Variants in CAMTA1 observed in about 807,000 individuals in gnomAD.
CAMTA1 encodes the protein calmodulin-binding transcription activator 1.
In CAMTA1, 27 loss-of-function variants were observed where a neutral mutation model predicts 170.9. That is an observed-to-expected ratio of 0.16 (90% CI 0.12 to 0.22). The LOEUF (loss-of-function observed/expected upper bound fraction) is 0.22, where lower values mean the gene tolerates loss of function less well. Among genes scored for constraint, CAMTA1 ranks in the 10% least tolerant of loss-of-function variants. The pLI, the probability that CAMTA1 is intolerant of heterozygous loss-of-function variation, is 1.00. For missense variants in CAMTA1, 1,619 were observed against 2,217.2 expected (o/e 0.73, Z 5.42); for synonymous variants, 833 against 891.5 (o/e 0.93, Z 1.17).
chr1:6,917,193 G>A (rs975067325), intron 3 of CAMTA1, among the ~76,000 whole-genome samples: 1 of 151,978 alleles, frequency 6.6e-6, no homozygotes, highest in Non-Finnish European at 1.5e-5. Flanking sequence ...TGTGGGGAAT[G>A]AGCCTGTTCA....
At chr1:7,407,959 A>G (rs2090420146) in intron 5 of CAMTA1, among the ~76,000 whole-genome samples, 1 of 152,156 alleles carries the variant, frequency 6.6e-6, no homozygotes, top group Non-Finnish European at 1.5e-5. Context: ...TTTGCTTCTT[A>G]GAGGAGCCAG....
At position 7,680,861 on chromosome 1, in the gene CAMTA1, C is replaced by CGCGCCAGCAGCAGCAG. The variant is rs1553247057; in HGVS notation, c.2914+3128_2914+3129insGCGCCAGCAGCAGCAG. Among the ~76,000 whole-genome samples the CGCGCCAGCAGCAGCAG allele has an allele frequency of 3.7e-4, 50 of 136,496 alleles. No homozygotes were observed. The highest frequency in any genetic ancestry group is 3.8e-3 in the Middle Eastern group (1 of 262). 89.5% of individuals were successfully genotyped at this position (136,496 alleles called of 152,430 possible). A position where few individuals can be genotyped will look rare whatever the true frequency, so the allele number is the denominator to read the frequency against. On this transcript the variant is annotated intron_variant, in intron 11 of 22. Coordinates refer to ENST00000303635, the MANE Select transcript of CAMTA1 (RefSeq NM_015215.4). This position sits in a 1 kb window ranked among gnomAD's most constrained non-coding sequence, Gnocchi z 4.4. ...GAGAACACGCGCGCGCGCGCGCGCG[C>CGCGCCAGCAGCAGCAG]CAGCAGCAGCAGCAGCAGCAGCTGC...
Position 7,640,477 on chromosome 1 carries a change from C to T in CAMTA1, c.588C>T (p.Leu196=). 6.2e-7 allele frequency: 1 copy of T among 1,614,242 alleles called. No individual in the cohort carries two copies. Among genetic ancestry groups the T allele is most frequent in the Non-Finnish European group, 8.5e-7 (1 of 1,180,042 alleles). Residue 196 remains leucine (L), a synonymous_variant, in exon 7 of 23, where the codon CTC becomes CTT. Coordinates refer to ENST00000303635, the MANE Select transcript of CAMTA1 (RefSeq NM_015215.4). ...EDCGKPCGPI[L]CSINTDKKEW... ...GCGGCAAGCCTTGCGGCCCCATCCT[C>T]TGCTCCATCAACACCGACAAGAAGG...
chr1:7,601,341 C>T (rs377653666), intron 6 of CAMTA1, among the ~76,000 whole-genome samples: 102 of 151,320 alleles, frequency 6.7e-4, no homozygotes, highest in African/African-American at 2.0e-3. Context: ...ACATCCCAGA[C>T]GGGGCGGCAG....
At chr1:6,984,042 A>ATGGATGATGGGTGGATGGATGGG (rs1694896252) in intron 3 of CAMTA1, among the ~76,000 whole-genome samples, 1 of 356 alleles carries the variant, frequency 2.8e-3, no homozygotes, top group African/African-American at 0.012. Context: ...GGATTAATGA[A>ATGGATGATGGGTGGATGGATGGG]TGGATAGATG....
chr1:6,992,832 G>T (rs993336504), intron 3 of CAMTA1, among the ~76,000 whole-genome samples: 1 of 152,214 alleles, frequency 6.6e-6, no homozygotes, highest in Non-Finnish European at 1.5e-5. Flanking sequence ...CAACACTGGG[G>T]ATTACAATTT....
intron 4 of CAMTA1, among the ~76,000 whole-genome samples, chr1:7,202,362 A>T (rs1205951638): frequency 6.6e-6 from 1 of 152,156 alleles, no homozygotes; most frequent in Non-Finnish European, 1.5e-5. Context: ...TGTTTTGGCT[A>T]TTCTGTGTCT....
rs1320485126 is a variant in CAMTA1 at position 7,682,431 on chromosome 1, C to A, written c.2914+4698C>A. ...GAGAAGGAAAGGCCTCTTGGTTTGGCCTTCTGATCCGTCCACGCTCTCTGT... is the reference window on the plus strand; with the variant it reads ...GAGAAGGAAAGGCCTCTTGGTTTGGACTTCTGATCCGTCCACGCTCTCTGT... On this transcript the variant is annotated intron_variant, in intron 11 of 22. Transcript: ENST00000303635. The surrounding 1 kb of genome is among the most constrained non-coding windows in gnomAD (Gnocchi z 5.0). Among the ~76,000 whole-genome samples, 2 of 152,208 alleles carry A rather than the reference C, an allele frequency of 1.3e-5. No individual in the cohort carries two copies.
At chr1:7,696,372 T>G (rs767967424) in intron 11 of CAMTA1, among the ~76,000 whole-genome samples, 1 of 152,082 alleles carries the variant, frequency 6.6e-6, no homozygotes, top group Non-Finnish European at 1.5e-5. Context: ...TTTTTTGTAT[T>G]TTTAGTAGAG....
At chr1:7,625,486 G>A (rs562258011) in intron 6 of CAMTA1, among the ~76,000 whole-genome samples, 3 of 152,250 alleles carry the variant, frequency 2.0e-5, no homozygotes, top group Non-Finnish European at 2.9e-5. Context: ...GAAGCTGGAT[G>A]AAGCCAGGCC....
chr1:7,196,912 C>T (rs1655625919), intron 4 of CAMTA1, among the ~76,000 whole-genome samples: 1 of 152,132 alleles, frequency 6.6e-6, no homozygotes, highest in Admixed American at 6.5e-5. Flanking sequence ...GCATTAATTG[C>T]TTGGTTCCTT....
At chr1:7,077,820 T>C (rs766847949) in intron 3 of CAMTA1, among the ~76,000 whole-genome samples, 6 of 152,264 alleles carry the variant, frequency 3.9e-5, no homozygotes, top group Middle Eastern at 3.4e-3. Flanking sequence ...GCTGTGTTCC[T>C]GTAGGCACCA....
In CAMTA1 at chr1:7,064,412, T is replaced by G. The variant is rs1708702654; in HGVS notation, c.235-26892T>G. On this transcript the variant is annotated intron_variant, in intron 3 of 22. Coordinates refer to ENST00000303635, the MANE Select transcript of CAMTA1 (RefSeq NM_015215.4). This position sits in a 1 kb window ranked among gnomAD's most constrained non-coding sequence, Gnocchi z 5.4. The stretch of plus-strand genomic sequence containing the variant: ...ATACCATAGCATTGGGGGTTGGGGC[T>G]TCAACCTATTAATTTTGGGGAAATA... 6.6e-6 allele frequency among the ~76,000 whole-genome samples: 1 copy of G among 152,206 alleles called. No homozygotes were observed. Among genetic ancestry groups the G allele is most frequent in the Non-Finnish European group, 1.5e-5 (1 of 68,038 alleles).
At chr1:7,118,989 G>A (rs1477880028) in intron 4 of CAMTA1, among the ~76,000 whole-genome samples, 1 of 152,200 alleles carries the variant, frequency 6.6e-6, no homozygotes, top group Non-Finnish European at 1.5e-5. Flanking sequence ...TCTTTGTGTG[G>A]GATGAGAAAT....
Position 7,026,635 on chromosome 1 carries a change from CTTT to C in CAMTA1, c.235-64651_235-64649del, listed in dbSNP as rs540196853. On this transcript the variant is annotated intron_variant, in intron 3 of 22. Coordinates refer to ENST00000303635, the MANE Select transcript of CAMTA1 (RefSeq NM_015215.4). ...TAAGGGCTGGGAGGATGGGTGGCTGCTTTTTTTTTTTTTTTTTTTTGAGACGGA... is the reference window on the plus strand; with the variant it reads ...TAAGGGCTGGGAGGATGGGTGGCTGCTTTTTTTTTTTTTTTTTGAGACGGA... Among the ~76,000 whole-genome samples, 81 of 116,510 alleles carry C rather than the reference CTTT, an allele frequency of 7.0e-4. 1 individual carries two copies. The highest frequency in any genetic ancestry group is 1.9e-3 in the Admixed American group (21 of 11,102). 76.4% of individuals were successfully genotyped at this position (116,510 alleles called of 152,430 possible). A position where few individuals can be genotyped will look rare whatever the true frequency, so the allele number is the denominator to read the frequency against.
At chr1:7,683,627 TGCATAGCAGTA>T (rs1385633712) in intron 11 of CAMTA1, among the ~76,000 whole-genome samples, 1 of 151,972 alleles carries the variant, frequency 6.6e-6, no homozygotes, top group Non-Finnish European at 1.5e-5. Context: ...GGTACTTCTG[TGCATAGCAGTA>T]ACAGGTGACA....
At chr1:7,345,295 T>A (rs1248345251) in intron 5 of CAMTA1, among the ~76,000 whole-genome samples, 2 of 152,254 alleles carry the variant, frequency 1.3e-5, no homozygotes, top group African/African-American at 2.4e-5. Flanking sequence ...AATCCTTCCC[T>A]ATCTCAAAGT....
At chr1:7,423,111 C>T (rs112389848) in intron 5 of CAMTA1, among the ~76,000 whole-genome samples, 10 of 152,310 alleles carry the variant, frequency 6.6e-5, no homozygotes, top group Non-Finnish European at 1.0e-4. Context: ...AGCCCCAGGG[C>T]GAGGCAGCCC....
At position 7,050,085 on chromosome 1, in the gene CAMTA1, A is replaced by G. The variant is rs1706077544; in HGVS notation, c.235-41219A>G. 6.6e-6 allele frequency among the ~76,000 whole-genome samples: 1 copy of G among 152,180 alleles called. No individual in the cohort carries two copies. Among genetic ancestry groups the G allele is most frequent in the African/African-American group, 2.4e-5 (1 of 41,454 alleles). ...CGCGGTGTCCTTGGGGCGGGATTGC[A>G]CTGGGAGTGTTTGAAGGTCAGCCGG... On this transcript the variant is annotated intron_variant, in intron 3 of 22. Transcript: ENST00000303635. This position sits in a 1 kb window ranked among gnomAD's most constrained non-coding sequence, Gnocchi z 4.8.
Sources: allele counts gnomAD v4.1 joint callset (sites outside exome capture counted in the v4.1 genomes callset), GRCh38; gene constraint gnomAD v4.1.1; non-coding constraint Gnocchi (gnomAD v3.1); transcripts MANE v1.5; gene names NCBI Gene and HGNC (gene_info 2026-07-23, HGNC 2026-07-21).